RIMBP2: variants seen among roughly 807,000 people sequenced by gnomAD.
The protein encoded by RIMBP2 is RIMS binding protein 2.
In RIMBP2, 48 loss-of-function variants were observed where a neutral mutation model predicts 118.6. The observed-to-expected ratio is 0.40, with a 90% CI of 0.32 to 0.51. RIMBP2 has a LOEUF of 0.51. Ranked by LOEUF, RIMBP2 falls within the 20% of genes least tolerant of loss-of-function variation. RIMBP2 has a pLI of 0.41. For missense variants in RIMBP2, 1,551 were observed against 1,768.3 expected (o/e 0.88, Z 2.20); for synonymous variants, 762 against 742.9 (o/e 1.03, Z -0.42).
intron 4 of RIMBP2, among the ~76,000 whole-genome samples, chr12:130,488,388 G>A (rs1052733070): frequency 1.3e-5 from 2 of 152,076 alleles, no homozygotes; most frequent in African/African-American, 4.8e-5. Context: ...CGTGGTGTTA[G>A]GTGGATGGTA....
At chr12:130,425,043 A>C in intron 15 of RIMBP2, 185 bp from the exon 16 acceptor site, 2 of 396,200 alleles carry the variant, frequency 5.0e-6, no homozygotes, top group Non-Finnish European at 8.8e-6. Context: ...AGAATGGGTT[A>C]CGGGGCTGGG....
At chr12:130,566,218 C>A (rs891954192) in intron 2 of RIMBP2, among the ~76,000 whole-genome samples, 1 of 152,030 alleles carries the variant, frequency 6.6e-6, no homozygotes. Context: ...ACAGTCCTAG[C>A]TTCTAAAACA....
chr12:130,695,890 T>C (rs1262129961), intron 1 of RIMBP2, among the ~76,000 whole-genome samples: 1 of 151,806 alleles, frequency 6.6e-6, no homozygotes, highest in Non-Finnish European at 1.5e-5. Context: ...GGAGTCATGG[T>C]TGATCCCAAG....
chr12:130,493,687 G>C (rs556645889), intron 4 of RIMBP2, among the ~76,000 whole-genome samples: 1 of 152,088 alleles, frequency 6.6e-6, no homozygotes, highest in Non-Finnish European at 1.5e-5. Context: ...GGTTGCCCCA[G>C]GGAACTCAAT....
chr12:130,596,980 C>A (rs1375921398), intron 2 of RIMBP2, among the ~76,000 whole-genome samples: 1 of 152,214 alleles, frequency 6.6e-6, no homozygotes, highest in Admixed American at 6.5e-5. Context: ...GAAAACTCCA[C>A]AGATAGTTTT....
chr12:130,626,724 C>T (rs1031353351), intron 2 of RIMBP2, among the ~76,000 whole-genome samples: 1 of 151,512 alleles, frequency 6.6e-6, no homozygotes, highest in Non-Finnish European at 1.5e-5. Context: ...TCCATCACCA[C>T]AACTACCGCC....
At chr12:130,555,948 G>T (rs901840325) in intron 2 of RIMBP2, among the ~76,000 whole-genome samples, 6 of 152,164 alleles carry the variant, frequency 3.9e-5, no homozygotes, top group Admixed American at 2.0e-4. Flanking sequence ...CGCCAGGCAC[G>T]GAGAGGAGGC....
Position 130,396,237 on chromosome 12 carries a change from A to AAATCT in RIMBP2, c.*1119_*1123dup, listed in dbSNP as rs2074065942. On this transcript the variant is annotated 3_prime_UTR_variant, in exon 23 of 23. Coordinates refer to ENST00000690449, the MANE Select transcript of RIMBP2 (RefSeq NM_001393629.1). ...CCACACATGGATTTCCTTTAATAAT[A>AAATCT]AATCTACCACATACTATTATATTAC... 6.5e-6 allele frequency: 1 copy of AAATCT among 152,676 alleles called. No homozygotes were observed. Among genetic ancestry groups the AAATCT allele is most frequent in the Non-Finnish European group, 1.5e-5 (1 of 68,042 alleles). The allele number at this position is 152,676 out of a possible 1,614,324, so 9.5% of individuals were successfully genotyped here.
intron 1 of RIMBP2, among the ~76,000 whole-genome samples, chr12:130,646,086 C>A (rs2062881729): frequency 7.4e-6 from 1 of 135,902 alleles, no homozygotes; most frequent in African/African-American, 2.8e-5. Flanking sequence ...TCCCTCACCA[C>A]TTCCCTCTCC....
chr12:130,520,762 CTT>C (rs1375385263), intron 2 of RIMBP2, among the ~76,000 whole-genome samples: 7 of 147,396 alleles, frequency 4.7e-5, no homozygotes, highest in Admixed American at 2.7e-4. Context: ...TCACAAAAAA[CTT>C]AGCCAAGTGC....
intron 21 of RIMBP2, among the ~76,000 whole-genome samples, chr12:130,403,056 A>G (rs897787437): frequency 2.4e-4 from 37 of 152,222 alleles, no homozygotes; most frequent in African/African-American, 8.7e-4. Flanking sequence ...CTGATATGGG[A>G]TATAGCAGAA....
At chr12:130,579,127 C>A (rs2058289388) in intron 2 of RIMBP2, among the ~76,000 whole-genome samples, 1 of 152,136 alleles carries the variant, frequency 6.6e-6, no homozygotes, top group South Asian at 2.1e-4. Context: ...CAGAAAAGAG[C>A]TCACACGGCA....
intron 1 of RIMBP2, among the ~76,000 whole-genome samples, chr12:130,681,609 T>G (rs1030995147): frequency 2.0e-5 from 3 of 152,192 alleles, no homozygotes; most frequent in Non-Finnish European, 4.4e-5. Context: ...TGAACTAAGG[T>G]CGTGTAAATT....
rs981455162 is a variant in RIMBP2 at position 130,653,772 on chromosome 12, G to A, written c.-351-25316C>T. ...CTTCATGCTTGCATTCTGTGCACCC[G>A]CAGGCTTAACAACATGTGGAAGCCC... On this transcript the variant is annotated intron_variant, in intron 1 of 22. Coordinates refer to ENST00000690449, the MANE Select transcript of RIMBP2 (RefSeq NM_001393629.1). Among the ~76,000 whole-genome samples, 6 of 152,204 alleles carry A rather than the reference G, an allele frequency of 3.9e-5. No individual in the cohort carries two copies. The South Asian group carries it at 6.2e-4, about 16-fold the overall frequency.
chr12:130,456,765 T>C (rs1483101497), intron 6 of RIMBP2, 65 bp from the exon 7 acceptor site: 1 of 1,224,614 alleles, frequency 8.2e-7, no homozygotes, highest in East Asian at 2.5e-5. Flanking sequence ...TGTGTGCGCC[T>C]GTTCACATGT....
chr12:130,554,351 T>C (rs1391212932), intron 2 of RIMBP2, among the ~76,000 whole-genome samples: 1 of 152,080 alleles, frequency 6.6e-6, no homozygotes, highest in Non-Finnish European at 1.5e-5. Flanking sequence ...GCCCAGGGAG[T>C]GATTAGCATT....
At chr12:130,700,884 T>G (rs2065825175) in intron 1 of RIMBP2, among the ~76,000 whole-genome samples, 3 of 152,202 alleles carry the variant, frequency 2.0e-5, no homozygotes, top group Admixed American at 2.0e-4. Flanking sequence ...ACTTTGTGAA[T>G]GCCCACAGTG....
At chr12:130,451,075 C>T in intron 8 of RIMBP2, 120 bp downstream of exon 8, 1 of 1,226,934 alleles carries the variant, frequency 8.2e-7, no homozygotes, top group South Asian at 1.4e-5. Flanking sequence ...AAGGGAAGAA[C>T]CAACCAGAAG....
At chr12:130,649,946 GTCTGCAGGTCGGAGA>G (rs2063158230) in intron 1 of RIMBP2, among the ~76,000 whole-genome samples, 1 of 151,964 alleles carries the variant, frequency 6.6e-6, no homozygotes, top group Non-Finnish European at 1.5e-5. Flanking sequence ...GTCAAGCCTT[GTCTGCAGGTCGGAGA>G]TTCAACAGGA....
Sources: gnomAD v4.1 joint callset for allele counts (sites outside exome capture counted in the v4.1 genomes callset) on GRCh38, gnomAD v4.1.1 for gene constraint, MANE v1.5 for transcripts, NCBI Gene and HGNC (gene_info 2026-07-23, HGNC 2026-07-21) for gene names.